The following LBP variants were observed in gnomAD, a reference collection of about 807,000 sequenced individuals.
The protein encoded by LBP is lipopolysaccharide-binding protein.
LBP carries 53 observed loss-of-function variants against 56.6 expected under a neutral mutation model. The observed-to-expected ratio is 0.94, with a 90% confidence interval of 0.75 to 1.18. The LOEUF (loss-of-function observed/expected upper bound fraction) is 1.18. Among genes scored for constraint, LBP ranks in the 50% most tolerant of loss-of-function variants. The probability of loss-of-function intolerance (pLI) is 0.00; values close to 1 mark genes in which losing one functional copy is unlikely to be tolerated. For missense variants in LBP, 601 were observed against 598.3 expected (o/e 1.00, Z -0.05); for synonymous variants, 227 against 247.5 (o/e 0.92, Z 0.78).
intron 10 of LBP, among the ~76,000 whole-genome samples, chr20:38,369,811 A>G (rs1003984635): frequency 1.3e-5 from 2 of 152,186 alleles, no homozygotes; most frequent in Non-Finnish European, 2.9e-5. Context: ...CATCACTTGT[A>G]TAACCAATTC....
At chr20:38,359,480 G>T (rs2122607938) in intron 5 of LBP, among the ~76,000 whole-genome samples, 1 of 152,260 alleles carries the variant, frequency 6.6e-6, no homozygotes, top group South Asian at 2.1e-4. Context: ...TACTTAGGAA[G>T]CTGAGGTAGG....
intron 7 of LBP, 53 bp downstream of exon 7, chr20:38,364,119 C>A: frequency 7.9e-7 from 1 of 1,265,160 alleles, no homozygotes; most frequent in South Asian, 1.2e-5. Context: ...CAGGGTCAGC[C>A]ATTCTTTGGG....
intron 4 of LBP, 118 bp from the exon 5 acceptor site, chr20:38,355,228 C>T: frequency 1.2e-6 from 1 of 864,154 alleles, no homozygotes; most frequent in Non-Finnish European, 1.9e-6. Flanking sequence ...CAGCAGGGCG[C>T]CGGGAAGGGG....
At chr20:38,375,847 A>C (rs891261078) in intron 14 of LBP, among the ~76,000 whole-genome samples, 8 of 152,146 alleles carry the variant, frequency 5.3e-5, no homozygotes, top group African/African-American at 1.9e-4. Context: ...AAGGGAATGA[A>C]GGGCAGGGGG....
chr20:38,374,027 G>T lies in LBP; in HGVS notation c.1401+14G>T, dbSNP rs1161371669. 1.9e-6 allele frequency: 3 copies of T among 1,612,774 alleles called. No homozygotes were observed. The South Asian group carries it at 3.3e-5, about 18-fold the overall frequency. On this transcript the variant is annotated intron_variant, in intron 14 of 14. Coordinates refer to ENST00000217407, the MANE Select transcript of LBP (RefSeq NM_004139.5). ...CAGATCCATAAGGTCGGTGGGTTCA[G>T]GGGGGCTCTGAGGATGTGTGAGGGA... is the stretch of plus-strand genomic sequence containing the variant.
At chr20:38,360,208 C>T (rs904763895) in intron 5 of LBP, among the ~76,000 whole-genome samples, 2 of 149,286 alleles carry the variant, frequency 1.3e-5, no homozygotes, top group Admixed American at 6.7e-5. Flanking sequence ...GAGGGTGAGC[C>T]GAGATCGCAA....
At chr20:38,356,439 CA>C (rs2076840912) in intron 5 of LBP, among the ~76,000 whole-genome samples, 21 of 149,574 alleles carry the variant, frequency 1.4e-4, no homozygotes, top group African/African-American at 1.7e-4. Flanking sequence ...CACACACACA[CA>C]CACACACACA....
intron 8 of LBP, 144 bp downstream of exon 8, chr20:38,364,896 A>G: frequency 1.3e-6 from 1 of 799,316 alleles, no homozygotes; most frequent in African/African-American, 1.7e-5. Context: ...ATGTTAGCAC[A>G]ATCTCCCTTT....
chr20:38,349,261 C>T (rs952238997), intron 1 of LBP, among the ~76,000 whole-genome samples: 2 of 152,196 alleles, frequency 1.3e-5, no homozygotes, highest in Admixed American at 6.5e-5. Flanking sequence ...GAGGACTATC[C>T]GTCCAAGCGC....
chr20:38,354,569 G>A, intron 4 of LBP, 130 bp downstream of exon 4: 1 of 724,660 alleles, frequency 1.4e-6, no homozygotes, highest in Non-Finnish European at 2.2e-6. Flanking sequence ...ATCATTCTCT[G>A]GGGAACCCTG....
chr20:38,353,575 G>A (rs1251151495), intron 3 of LBP, among the ~76,000 whole-genome samples: 2 of 141,146 alleles, frequency 1.4e-5, no homozygotes, highest in African/African-American at 2.6e-5. Context: ...AAGAGCTACG[G>A]GATAAAGGCT....
At chr20:38,368,342 G>A (rs1003986194) in intron 9 of LBP, among the ~76,000 whole-genome samples, 13 of 152,220 alleles carry the variant, frequency 8.5e-5, no homozygotes, top group African/African-American at 1.9e-4. Flanking sequence ...GCTCACACCC[G>A]TAATCCCAGC....
rs1275632812 is a variant in LBP at position 38,373,993 on chromosome 20, C to A, written c.1381C>A (p.Leu461Ile). 6.2e-7 allele frequency: 1 copy of A among 1,613,984 alleles called. No homozygotes were observed. Among genetic ancestry groups the A allele is most frequent in the Non-Finnish European group, 8.5e-7 (1 of 1,180,004 alleles). ...GCTGAAGCGTGTTCAGCTCTACGAC[C>A]TTGGGCTGCAGATCCATAAGGTCGG... is the stretch of plus-strand genomic sequence containing the variant. The part of the protein sequence containing the change: ...PLLKRVQLYD[L>I]GLQIHKDFLF... The change falls in exon 14 of 15, where the codon CTT (leucine) becomes ATT (isoleucine). Residue 461 changes from leucine (L) to isoleucine (I), a missense_variant. Coordinates refer to ENST00000217407, the MANE Select transcript of LBP (RefSeq NM_004139.5).
intron 12 of LBP, among the ~76,000 whole-genome samples, chr20:38,372,121 A>G (rs2076902854): frequency 6.6e-6 from 1 of 152,244 alleles, no homozygotes; most frequent in Non-Finnish European, 1.5e-5. Context: ...AAATAAAAGG[A>G]GGAAAGAGAA....
At chr20:38,371,152 A>G (rs2076899333) in intron 11 of LBP, 128 bp from the exon 12 acceptor site, 1 of 685,196 alleles carries the variant, frequency 1.5e-6, no homozygotes, top group African/African-American at 1.8e-5. Flanking sequence ...CATCTTTTCC[A>G]CTCCTGCTCC....
At chr20:38,347,093 C>T (rs943412515) in intron 1 of LBP, among the ~76,000 whole-genome samples, 2 of 152,258 alleles carry the variant, frequency 1.3e-5, no homozygotes, top group Non-Finnish European at 2.9e-5. Flanking sequence ...CAGGCAGAGA[C>T]CCTGAAGGGC....
chr20:38,373,360 C>T (rs942368101), intron 13 of LBP, among the ~76,000 whole-genome samples: 7 of 152,058 alleles, frequency 4.6e-5, no homozygotes, highest in African/African-American at 1.4e-4. Flanking sequence ...CTTTGGAGCA[C>T]GGGAAACCTC....
At position 38,373,116 on chromosome 20, in the gene LBP, C is replaced by T. The variant is rs780423484; in HGVS notation, c.1305C>T (p.Thr435=). ...TCCTCAACTATTACATCCTTAACAC[C>T]TTCTACCCCAAGTTCAATGGTAAGA... ...EALLNYYILN[T]FYPKFNDKLA... is the part of the protein sequence containing the mutation. Residue 435 remains threonine, a synonymous_variant, in exon 13 of 15, where the codon ACC becomes ACT. Transcript: ENST00000217407. 1.2e-6 allele frequency: 2 copies of T among 1,613,684 alleles called. No individual in the cohort carries two copies. Among genetic ancestry groups the T allele is most frequent in the Non-Finnish European group, 1.7e-6 (2 of 1,179,688 alleles).
At position 38,365,164 on chromosome 20, in the gene LBP, G is replaced by A. The variant is rs536837054; in HGVS notation, c.921+412G>A. ...GTGGGAGAATCGCTTGAACCCAGGA[G>A]GTGGAGGTTGCAGTGAGCCAAGATC... On this transcript the variant is annotated intron_variant, in intron 8 of 14. Coordinates refer to ENST00000217407, the MANE Select transcript of LBP (RefSeq NM_004139.5). 2.7e-5 allele frequency among the ~76,000 whole-genome samples: 4 copies of A among 150,048 alleles called. No individual in the cohort carries two copies. In the East Asian group the frequency reaches 7.9e-4, roughly 30 times the overall value.
Sources: allele counts gnomAD v4.1 joint callset (sites outside exome capture counted in the v4.1 genomes callset), GRCh38; gene constraint gnomAD v4.1.1; transcripts MANE v1.5; gene names NCBI Gene and HGNC (gene_info 2026-07-23, HGNC 2026-07-21).